VRK2: variants seen among roughly 807,000 people sequenced by gnomAD.
VRK2 encodes the protein serine/threonine-protein kinase VRK2.
A neutral mutation model predicts 57.6 loss-of-function variants in VRK2; 60 were observed. That is an observed-to-expected ratio of 1.04 (90% CI 0.85 to 1.29). The LOEUF (loss-of-function observed/expected upper bound fraction) is 1.29, where lower values mean the gene tolerates loss of function less well. Among genes scored for constraint, VRK2 ranks in the 50% most tolerant of loss-of-function variants. VRK2 has a pLI of 0.00. For synonymous variants in VRK2, 231 were observed against 199.2 expected (o/e 1.16, Z -1.35); for missense variants, 705 against 588.1 (o/e 1.20, Z -2.06).
At chr2:58,063,335 A>G (rs1253043459) in intron 2 of VRK2, among the ~76,000 whole-genome samples, 2 of 151,516 alleles carry the variant, frequency 1.3e-5, no homozygotes, top group Non-Finnish European at 2.9e-5. Context: ...GTTAAAGGGT[A>G]CAAACATACA....
chr2:57,948,725 G>C (rs1227835061), intron 1 of VRK2, among the ~76,000 whole-genome samples: 1 of 152,100 alleles, frequency 6.6e-6, no homozygotes, highest in Non-Finnish European at 1.5e-5. Flanking sequence ...TCTTGGTAAG[G>C]TGAGGATCAA....
chr2:58,010,510 A>G (rs754571085), intron 1 of VRK2, among the ~76,000 whole-genome samples: 2 of 152,056 alleles, frequency 1.3e-5, no homozygotes, highest in African/African-American at 4.8e-5. Flanking sequence ...CAACCACTCA[A>G]TGGATAAGGG....
chr2:58,034,801 A>C (rs55856965), intron 3 of VRK2, among the ~76,000 whole-genome samples: 13,219 of 151,736 alleles, frequency 0.087, 614 homozygotes, highest in East Asian at 0.11. Context: ...AAAAAAAAAA[A>C]CTTCACTTAT....
rs1438289500 is a variant in VRK2 at position 57,929,871 on chromosome 2, TA to T, written c.-439+22036del. Among the ~76,000 whole-genome samples, 3 of 152,106 alleles carry T rather than the reference TA, an allele frequency of 2.0e-5. 1 individual carries two copies. Among genetic ancestry groups the T allele is most frequent in the African/African-American group, 7.2e-5 (3 of 41,426 alleles). On this transcript the variant is annotated intron_variant, in intron 1 of 15. Transcript: ENST00000417641. ...GAAATGTTGTCCAGAAGCTAGGGCC[TA>T]AAATGGGGGCTGTTGGACTCTGCCT...
chr2:58,058,363 A>T, intron 2 of VRK2: 1 of 470,584 alleles, frequency 2.1e-6, no homozygotes, highest in Non-Finnish European at 4.4e-6. Context: ...GACACTGGCC[A>T]TTTTTCTCTC....
At chr2:57,992,534 T>C (rs1481123490) in intron 1 of VRK2, among the ~76,000 whole-genome samples, 1 of 151,654 alleles carries the variant, frequency 6.6e-6, no homozygotes, top group Admixed American at 6.5e-5. Flanking sequence ...TCAGTGTTGT[T>C]TCTTTTTTTT....
At chr2:58,080,098 T>C (rs1292407772) in intron 2 of VRK2, among the ~76,000 whole-genome samples, 1 of 151,956 alleles carries the variant, frequency 6.6e-6, no homozygotes, top group African/African-American at 2.4e-5. Flanking sequence ...AAATATTTCT[T>C]TATTTGTGGA....
intron 1 of VRK2, among the ~76,000 whole-genome samples, chr2:57,926,253 T>A (rs1007521027): frequency 6.6e-6 from 1 of 151,928 alleles, no homozygotes; most frequent in African/African-American, 2.4e-5. Context: ...TGTTCTATAG[T>A]GCAGATTAAG....
chr2:57,911,009 A>T (rs1669969238), intron 1 of VRK2, among the ~76,000 whole-genome samples: 2 of 151,530 alleles, frequency 1.3e-5, no homozygotes, highest in South Asian at 4.2e-4. Context: ...TGGGTCAGAC[A>T]GACTTGAGTT....
intron 1 of VRK2, among the ~76,000 whole-genome samples, chr2:57,975,181 T>A (rs1473023678): frequency 6.6e-6 from 1 of 151,810 alleles, no homozygotes; most frequent in Non-Finnish European, 1.5e-5. Context: ...TGAAAAAAAA[T>A]ATACTGTTAC....
At chr2:58,097,127 G>A (rs1673258005) in intron 7 of VRK2, among the ~76,000 whole-genome samples, 1 of 151,986 alleles carries the variant, frequency 6.6e-6, no homozygotes, top group Non-Finnish European at 1.5e-5. Flanking sequence ...GAAAAAGGTA[G>A]TCTTATTTTC....
At chr2:58,063,400 TAAC>T (rs1677653922) in intron 2 of VRK2, among the ~76,000 whole-genome samples, 1 of 151,928 alleles carries the variant, frequency 6.6e-6, no homozygotes, top group African/African-American at 2.4e-5. Context: ...TGTCTATACT[TAAC>T]AAAAATGTAT....
At chr2:58,125,562 G>T (rs982394592) in intron 8 of VRK2, among the ~76,000 whole-genome samples, 2 of 151,748 alleles carry the variant, frequency 1.3e-5, no homozygotes, top group African/African-American at 4.8e-5. Flanking sequence ...AAATATTTTT[G>T]GGATTTGCTG....
In VRK2 at chr2:58,064,511, A is replaced by G. The variant is rs375376371; in HGVS notation, c.136+15544A>G. On this transcript the variant is annotated intron_variant, in intron 2 of 12. Transcript: ENST00000340157. ...AATTAAGGCATGTACGTTGTTTTTT[A>G]AAAGATACTGCTGTTGTACCCTTAA... Among the ~76,000 whole-genome samples the G allele has an allele frequency of 3.3e-5, 5 of 152,294 alleles. No individual in the cohort carries two copies. The South Asian group carries it at 1.0e-3, about 32-fold the overall frequency.
intron 7 of VRK2, among the ~76,000 whole-genome samples, chr2:58,116,690 C>A: frequency 1.3e-5 from 2 of 152,264 alleles, no homozygotes; most frequent in South Asian, 4.1e-4. Flanking sequence ...AGTCTTCAGC[C>A]GCTAAGCCAA....
intron 1 of VRK2, among the ~76,000 whole-genome samples, chr2:57,917,728 G>C (rs756234173): frequency 1.3e-5 from 2 of 151,658 alleles, no homozygotes; most frequent in Admixed American, 6.6e-5. Context: ...TGTTGATATA[G>C]CTTTACTTTA....
intron 1 of VRK2, among the ~76,000 whole-genome samples, chr2:57,948,599 G>A (rs557292269): frequency 6.6e-6 from 1 of 152,030 alleles, no homozygotes; most frequent in East Asian, 1.9e-4. Flanking sequence ...TGGGTTTTAA[G>A]TGCTGGTAAA....
intron 1 of VRK2, among the ~76,000 whole-genome samples, chr2:57,979,203 AT>A (rs1418915649): frequency 1.9e-4 from 29 of 151,098 alleles, no homozygotes; most frequent in Non-Finnish European, 1.5e-5. Flanking sequence ...GCTGGGTCAA[AT>A]GGTATTTCTG....
chr2:57,997,057 A>G (rs1672946111), intron 1 of VRK2, among the ~76,000 whole-genome samples: 1 of 152,124 alleles, frequency 6.6e-6, no homozygotes, highest in Non-Finnish European at 1.5e-5. Flanking sequence ...TAAAAGAAAA[A>G]CAAAAACCAG....
Sources: gnomAD v4.1 joint callset for allele counts (sites outside exome capture counted in the v4.1 genomes callset) on GRCh38, gnomAD v4.1.1 for gene constraint, MANE v1.5 for transcripts, NCBI Gene and HGNC (gene_info 2026-07-23, HGNC 2026-07-21) for gene names.